MAP4K5: variants seen among roughly 807,000 people sequenced by gnomAD.
MAP4K5 encodes the protein mitogen-activated protein kinase kinase kinase kinase 5, also known as MAPK/ERK kinase kinase kinase 5.
Under a neutral mutation model 135.6 loss-of-function variants are expected in MAP4K5, and 82 were observed. The ratio of observed to expected loss-of-function variants is 0.60; its 90% CI spans 0.51 to 0.73. The LOEUF (loss-of-function observed/expected upper bound fraction) is 0.73, where lower values mean the gene tolerates loss of function less well. Ranked by LOEUF, MAP4K5 falls within the 30% of genes least tolerant of loss-of-function variation. The probability of loss-of-function intolerance (pLI) is 0.00; values close to 1 mark genes in which losing one functional copy is unlikely to be tolerated. For missense variants in MAP4K5, 907 were observed against 1,010.9 expected, an observed-to-expected ratio of 0.90 and a Z score of 1.39; for synonymous variants, 347 against 335.0, an observed-to-expected ratio of 1.04 and a Z score of -0.39.
intron 31 of MAP4K5, among the ~76,000 whole-genome samples, chr14:50,423,810 C>T (rs1001525913): frequency 2.2e-4 from 34 of 152,232 alleles, no homozygotes; most frequent in African/African-American, 8.2e-4. Flanking sequence ...CAGCCATGTG[C>T]AGGTACTATG....
intron 5 of MAP4K5, among the ~76,000 whole-genome samples, chr14:50,483,831 C>T (rs1441712084): frequency 6.9e-6 from 1 of 144,244 alleles, no homozygotes; most frequent in African/African-American, 2.6e-5. Flanking sequence ...GAAAAGACAG[C>T]AATTCCATTT....
upstream of MAP4K5, chr14:50,532,860 CCCA>C (rs2038435388): frequency 2.6e-5 from 4 of 152,504 alleles, no homozygotes; most frequent in Admixed American, 6.5e-5. Context: ...CTAAACCGTC[CCCA>C]CATTTGTCAG....
intron 14 of MAP4K5, among the ~76,000 whole-genome samples, chr14:50,451,059 T>A (rs2036473244): frequency 6.6e-6 from 1 of 152,148 alleles, no homozygotes. Flanking sequence ...AGTGAGCAGA[T>A]GGAATAGCTC....
At chr14:50,539,151 C>T (rs2038530614) in intron 2 of MAP4K5, among the ~76,000 whole-genome samples, 1 of 152,174 alleles carries the variant, frequency 6.6e-6, no homozygotes, top group Non-Finnish European at 1.5e-5. Flanking sequence ...CTTGTATAAA[C>T]TACTTGCCAA....
rs367725497 is a variant in MAP4K5, at chr14:50,419,560, TTC to T, written c.*457_*458del. The stretch of plus-strand genomic sequence containing the variant: ...GAGATTAATAAATAAGGATTAAATA[TTC>T]TGTTTTACAAAAACATACAGAATGG... On this transcript the variant is annotated 3_prime_UTR_variant, in exon 33 of 33. Coordinates refer to ENST00000682126, the MANE Select transcript of MAP4K5 (RefSeq NM_006575.6). 1.1e-3 allele frequency: 177 copies of T among 155,942 alleles called. 3 individuals carry two copies. In the South Asian group the frequency reaches 0.032, roughly 29 times the overall value. 9.7% of individuals were successfully genotyped at this position (155,942 alleles called of 1,614,324 possible).
chr14:50,430,701 GT>G (rs1222918261), intron 28 of MAP4K5, among the ~76,000 whole-genome samples: 1 of 152,074 alleles, frequency 6.6e-6, no homozygotes, highest in Admixed American at 6.6e-5. Flanking sequence ...ATCTAAAAGG[GT>G]TTTATAAACT....
intron 1 of MAP4K5, 93 bp from the exon 2 acceptor site, chr14:50,532,251 C>T: frequency 1.9e-6 from 1 of 526,454 alleles, no homozygotes; most frequent in Non-Finnish European, 3.3e-6. Context: ...CCTTCCGTCC[C>T]GCCAGGGGCC....
chr14:50,428,637 GATT>G, intron 30 of MAP4K5, 22 bp downstream of exon 30: 1 of 1,314,756 alleles, frequency 7.6e-7, no homozygotes, highest in Non-Finnish European at 1.0e-6. Context: ...ATCGCAAACT[GATT>G]TATGAAAAAA....
chr14:50,467,327 T>C (rs537129760), intron 10 of MAP4K5, among the ~76,000 whole-genome samples: 1 of 152,126 alleles, frequency 6.6e-6, no homozygotes, highest in East Asian at 1.9e-4. Context: ...AATACATTTT[T>C]CCTTTCTAAA....
chr14:50,468,170 T>C (rs2036873702), intron 10 of MAP4K5, among the ~76,000 whole-genome samples: 2 of 152,110 alleles, frequency 1.3e-5, no homozygotes, highest in African/African-American at 4.8e-5. Flanking sequence ...CTAGAAAAGT[T>C]TCATCTGCAT....
chr14:50,466,013 G>A (rs550312870), intron 11 of MAP4K5, among the ~76,000 whole-genome samples: 5 of 152,278 alleles, frequency 3.3e-5, no homozygotes, highest in Admixed American at 2.0e-4. Flanking sequence ...GGCGGAGGAT[G>A]CATTGAGCCG....
Position 50,560,507 on chromosome 14 carries a change from G to C in MAP4K5, c.-180+533C>G, listed in dbSNP as rs2038825560. On this transcript the variant is annotated intron_variant, in intron 1 of 8. Coordinates refer to the MAP4K5 transcript ENST00000555216. The stretch of plus-strand genomic sequence containing the variant: ...ACCGAATCGCGCTGTCGGGGTGAGG[G>C]CTGCAGCTTCGCGCAGGCCGGGCCT... 4 of 642,152 alleles carry C rather than the reference G, an allele frequency of 6.2e-6. No individual in the cohort carries two copies. In the Admixed American group the frequency reaches 1.1e-4, roughly 18 times the overall value. The allele number at this position is 642,152 out of a possible 1,614,324, so 39.8% of individuals were successfully genotyped here.
chr14:50,522,186 G>A (rs1332227126), intron 2 of MAP4K5, among the ~76,000 whole-genome samples: 1 of 151,904 alleles, frequency 6.6e-6, no homozygotes, highest in Non-Finnish European at 1.5e-5. Context: ...CTAAACCTAT[G>A]TAAACAAAGA....
chr14:50,477,338 T>C (rs1201365778), intron 6 of MAP4K5, among the ~76,000 whole-genome samples: 3 of 152,242 alleles, frequency 2.0e-5, no homozygotes, highest in African/African-American at 7.2e-5. Flanking sequence ...ACAATCTTTC[T>C]AGCCTAATTT....
At chr14:50,484,706 C>G (rs1457639960) in intron 5 of MAP4K5, among the ~76,000 whole-genome samples, 1 of 152,138 alleles carries the variant, frequency 6.6e-6, no homozygotes, top group Non-Finnish European at 1.5e-5. Context: ...TATTTAACCA[C>G]TGCTCTATTG....
At chr14:50,518,965 G>GA (rs1257242907) in intron 2 of MAP4K5, among the ~76,000 whole-genome samples, 1 of 152,014 alleles carries the variant, frequency 6.6e-6, no homozygotes. Flanking sequence ...GACAATTTAG[G>GA]AAATTTAGCT....
Position 50,500,296 on chromosome 14 carries a change from G to A in MAP4K5, c.166+4504C>T, listed in dbSNP as rs540055401. Among the ~76,000 whole-genome samples the A allele has an allele frequency of 4.6e-5, 7 of 152,234 alleles. No individual in the cohort carries two copies. In the East Asian group the frequency reaches 7.7e-4, roughly 17 times the overall value. On this transcript the variant is annotated intron_variant, in intron 3 of 32. Coordinates refer to ENST00000682126, the MANE Select transcript of MAP4K5 (RefSeq NM_006575.6). ...CAGGCACTCACGTGTCCTATGCAGCGAACTAAAATAACAAGGGCATTGGCC... is the reference window on the plus strand; with the variant it reads ...CAGGCACTCACGTGTCCTATGCAGCAAACTAAAATAACAAGGGCATTGGCC...
At chr14:50,483,583 C>G (rs1479738822) in intron 5 of MAP4K5, among the ~76,000 whole-genome samples, 1 of 150,812 alleles carries the variant, frequency 6.6e-6, no homozygotes, top group Non-Finnish European at 1.5e-5. Context: ...GATTATTATG[C>G]TATCTAGTAT....
At chr14:50,556,354 T>G (rs2038765501) in intron 1 of MAP4K5, among the ~76,000 whole-genome samples, 1 of 152,158 alleles carries the variant, frequency 6.6e-6, no homozygotes, top group Admixed American at 6.5e-5. Context: ...TAGCTGGGAC[T>G]GCAGGTGCAC....
Sources: allele counts gnomAD v4.1 joint callset (sites outside exome capture counted in the v4.1 genomes callset), GRCh38; gene constraint gnomAD v4.1.1; transcripts MANE v1.5; gene names NCBI Gene and HGNC (gene_info 2026-07-23, HGNC 2026-07-21).